The following CDK8 variants were observed in gnomAD, a reference collection of about 807,000 sequenced individuals.
CDK8 encodes cyclin-dependent kinase 8.
In CDK8, 29 loss-of-function variants were observed where a neutral mutation model predicts 71.5. The ratio of observed to expected loss-of-function variants is 0.41; its 90% CI spans 0.30 to 0.55. The LOEUF is 0.55. Among genes scored for constraint, CDK8 ranks in the 20% least tolerant of loss-of-function variants. CDK8 has a pLI of 0.37. For missense variants in CDK8, 288 were observed against 572.6 expected, an observed-to-expected ratio of 0.50 and a Z score of 5.07; for synonymous variants, 161 against 192.1, an observed-to-expected ratio of 0.84 and a Z score of 1.34.
At chr13:26,328,354 T>C (rs1258988816) in intron 1 of CDK8, among the ~76,000 whole-genome samples, 1 of 152,230 alleles carries the variant, frequency 6.6e-6, no homozygotes, top group African/African-American at 2.4e-5. Flanking sequence ...TCTTTTTCCA[T>C]GAAAGAAGTA....
At chr13:26,279,205 G>A (rs976135107) in intron 1 of CDK8, among the ~76,000 whole-genome samples, 3 of 151,696 alleles carry the variant, frequency 2.0e-5, no homozygotes, top group African/African-American at 7.3e-5. Context: ...AAGGAATGAT[G>A]GAATCAGAAA....
intron 1 of CDK8, among the ~76,000 whole-genome samples, chr13:26,269,810 A>G (rs1346070499): frequency 6.6e-6 from 1 of 152,122 alleles, no homozygotes; most frequent in Non-Finnish European, 1.5e-5. Context: ...ATTCTGTACT[A>G]TATTCTTGAA....
intron 1 of CDK8, among the ~76,000 whole-genome samples, chr13:26,287,961 CTTATT>C (rs907704687): frequency 1.1e-4 from 17 of 151,838 alleles, no homozygotes; most frequent in Admixed American, 4.6e-4. Flanking sequence ...TTTAGTGCAA[CTTATT>C]TTATTTTATT....
At position 26,372,557 on chromosome 13, in the gene CDK8, G is replaced by T. The variant is rs570603788; in HGVS notation, c.457-10257G>T. 1.3e-4 allele frequency among the ~76,000 whole-genome samples: 20 copies of T among 152,238 alleles called. 1 individual carries two copies. Among genetic ancestry groups the T allele is most frequent in the African/African-American group, 4.8e-4 (20 of 41,546 alleles). On this transcript the variant is annotated intron_variant, in intron 4 of 12. Transcript: ENST00000381527. ...AAAGTTCAATTTTATTAGTAAAGTT[G>T]TACATTGAAATGTAGGAGATGCCAT...
intron 1 of CDK8, among the ~76,000 whole-genome samples, chr13:26,300,245 A>C (rs1363753048): frequency 1.3e-5 from 2 of 152,102 alleles, no homozygotes; most frequent in Non-Finnish European, 2.9e-5. Context: ...GAAACCATGA[A>C]CTTCATATAA....
At chr13:26,355,631 CA>C in intron 4 of CDK8, among the ~76,000 whole-genome samples, 1 of 152,048 alleles carries the variant, frequency 6.6e-6, no homozygotes, top group East Asian at 1.9e-4. Flanking sequence ...TAAAAGAAAA[CA>C]AAAAATAGAT....
intron 1 of CDK8, among the ~76,000 whole-genome samples, chr13:26,329,380 T>C (rs1875180839): frequency 6.6e-6 from 1 of 151,732 alleles, no homozygotes; most frequent in Non-Finnish European, 1.5e-5. Flanking sequence ...TTTAATATAA[T>C]ATTTTCTTCT....
rs538758615 is a variant in CDK8 at position 26,365,201 on chromosome 13, T to G, written c.456+11321T>G. The stretch of plus-strand genomic sequence containing the variant: ...GATAAAACATGGGTTTGGTAACAAC[T>G]GATTAAGGCAAATTTAAATGAGATT... On this transcript the variant is annotated intron_variant, in intron 4 of 12. Coordinates refer to ENST00000381527, the MANE Select transcript of CDK8 (RefSeq NM_001260.3). Among the ~76,000 whole-genome samples, 132 of 152,294 alleles carry G rather than the reference T, an allele frequency of 8.7e-4. 1 individual carries two copies. The highest frequency in any genetic ancestry group is 3.1e-3 in the African/African-American group (128 of 41,578).
intron 1 of CDK8, among the ~76,000 whole-genome samples, chr13:26,287,209 A>G (rs1234708253): frequency 6.6e-6 from 1 of 152,242 alleles, no homozygotes; most frequent in Non-Finnish European, 1.5e-5. Flanking sequence ...ATAGCAGCAC[A>G]CTTCACAGTT....
intron 1 of CDK8, among the ~76,000 whole-genome samples, chr13:26,293,515 G>T (rs1208189713): frequency 6.7e-6 from 1 of 149,216 alleles, no homozygotes; most frequent in Non-Finnish European, 1.5e-5. Flanking sequence ...TGAGGCAGGA[G>T]AATTGCTTGA....
chr13:26,316,312 A>T (rs1179464383), intron 1 of CDK8, among the ~76,000 whole-genome samples: 1 of 152,182 alleles, frequency 6.6e-6, no homozygotes, highest in African/African-American at 2.4e-5. Flanking sequence ...GTGAGCCATG[A>T]TTGCACCACT....
chr13:26,348,393 C>T (rs188868365), intron 2 of CDK8, among the ~76,000 whole-genome samples: 48 of 152,248 alleles, frequency 3.2e-4, no homozygotes, highest in Admixed American at 5.9e-4. Flanking sequence ...CTGAGCTCTG[C>T]CTCCTGTCAG....
chr13:26,319,035 C>T (rs1874639772), intron 1 of CDK8, among the ~76,000 whole-genome samples: 1 of 152,118 alleles, frequency 6.6e-6, no homozygotes, highest in Non-Finnish European at 1.5e-5. Flanking sequence ...AAAGATTACA[C>T]ACACACAAAC....
intron 12 of CDK8, among the ~76,000 whole-genome samples, chr13:26,402,014 T>G (rs1293615244): frequency 1.3e-5 from 2 of 152,222 alleles, no homozygotes; most frequent in African/African-American, 4.8e-5. Context: ...GGAACAATGT[T>G]TCACAGTGAT....
intron 1 of CDK8, among the ~76,000 whole-genome samples, chr13:26,329,509 T>C (rs1389472927): frequency 3.3e-5 from 5 of 150,740 alleles, no homozygotes; most frequent in African/African-American, 1.2e-4. Context: ...TTTTGTTTTG[T>C]TTTTGTTTTT....
chr13:26,333,144 CT>C (rs995483753), intron 1 of CDK8, among the ~76,000 whole-genome samples: 118 of 146,098 alleles, frequency 8.1e-4, no homozygotes, highest in Admixed American at 8.2e-4. Context: ...TATATACCTT[CT>C]TTTTTTTTTT....
At chr13:26,353,298 T>C (rs927763791) in intron 3 of CDK8, among the ~76,000 whole-genome samples, 16 of 152,198 alleles carry the variant, frequency 1.1e-4, no homozygotes, top group African/African-American at 3.9e-4. Flanking sequence ...GTGTATTTTA[T>C]TGAAGCATCT....
At chr13:26,275,439 T>C (rs1007374076) in intron 1 of CDK8, among the ~76,000 whole-genome samples, 1 of 152,232 alleles carries the variant, frequency 6.6e-6, no homozygotes, top group Admixed American at 6.5e-5. Flanking sequence ...GTAGTGTTTT[T>C]CATATGGGTC....
intron 4 of CDK8, among the ~76,000 whole-genome samples, chr13:26,369,281 C>CAA (rs113696527): frequency 7.2e-6 from 1 of 138,456 alleles, no homozygotes; most frequent in Non-Finnish European, 1.6e-5. Flanking sequence ...GCCATCTCTA[C>CAA]AAAAAAAAAA....
Sources: allele counts gnomAD v4.1 joint callset (sites outside exome capture counted in the v4.1 genomes callset), GRCh38; gene constraint gnomAD v4.1.1; transcripts MANE v1.5; gene names NCBI Gene and HGNC (gene_info 2026-07-23, HGNC 2026-07-21).